Variants in PPFIA1 observed in about 807,000 individuals in gnomAD.
PPFIA1 encodes liprin-alpha-1.
In PPFIA1, 25 loss-of-function variants were observed where a neutral mutation model predicts 149.9. The observed-to-expected ratio is 0.17, with a 90% confidence interval of 0.12 to 0.23. The LOEUF (loss-of-function observed/expected upper bound fraction) is 0.23. PPFIA1 is among the 10% of genes least tolerant of loss of function. The pLI is 1.00. For synonymous variants in PPFIA1, 549 were observed against 552.8 expected (o/e 0.99, Z 0.10); for missense variants, 1,362 against 1,506.5 (o/e 0.90, Z 1.59).
At chr11:70,329,938 A>G in intron 7 of PPFIA1, 1 of 431,792 alleles carries the variant, frequency 2.3e-6, no homozygotes, top group Non-Finnish European at 4.0e-6. Context: ...AAAAAACAAA[A>G]TAAAATATTT....
rs2057559380 is a variant in PPFIA1, at chr11:70,378,125, C to T, written c.3480C>T (p.Leu1160=). Residue 1160 remains leucine (L), a synonymous_variant, in exon 26 of 28, where the codon CTC becomes CTT. Coordinates refer to ENST00000253925, the MANE Select transcript of PPFIA1 (RefSeq NM_003626.5). ...TAGCTGCTGGGTCAGCAGAGACTCTCCCTGCAAACTTCCGGGTGACTTCTT... is the reference window on the plus strand; with the variant it reads ...TAGCTGCTGGGTCAGCAGAGACTCTTCCTGCAAACTTCCGGGTGACTTCTT... ...RGLAAGSAET[L]PANFRVTSSM... is the part of the protein sequence containing the mutation. The T allele has an allele frequency of 3.1e-6, 5 of 1,614,128 alleles. No homozygotes were observed. Among genetic ancestry groups the T allele is most frequent in the Non-Finnish European group, 4.2e-6 (5 of 1,180,008 alleles).
intron 10 of PPFIA1, 61 bp downstream of exon 10, chr11:70,333,614 T>C (rs1452671999): frequency 1.1e-5 from 15 of 1,354,980 alleles, no homozygotes; most frequent in Non-Finnish European, 1.6e-5. Context: ...ATTGCTCGGC[T>C]GTGGGGAGCT....
chr11:70,330,400 T>C, intron 8 of PPFIA1, 81 bp downstream of exon 8: 4 of 1,277,562 alleles, frequency 3.1e-6, no homozygotes, highest in Non-Finnish European at 4.2e-6. Context: ...ACTTTCATGT[T>C]GGAAATCAAG....
At chr11:70,305,523 C>T (rs1003381210) in intron 2 of PPFIA1, among the ~76,000 whole-genome samples, 4 of 152,108 alleles carry the variant, frequency 2.6e-5, no homozygotes, top group Non-Finnish European at 5.9e-5. Flanking sequence ...AGAGGCACAC[C>T]ACCACGCCTG....
chr11:70,273,256 C>CAA (rs112897172), intron 2 of PPFIA1, among the ~76,000 whole-genome samples: 2,297 of 142,440 alleles, frequency 0.016, 61 homozygotes, highest in African/African-American at 0.055. Context: ...CAGCCTGTCT[C>CAA]AAAAAAAAAA....
intron 27 of PPFIA1, 22 bp downstream of exon 27, chr11:70,382,180 C>T: frequency 1.3e-6 from 2 of 1,591,908 alleles, no homozygotes; most frequent in East Asian, 2.2e-5. Flanking sequence ...GCACCACAAC[C>T]CCTAGAGATG....
intron 21 of PPFIA1, 127 bp from the exon 22 acceptor site, chr11:70,372,088 A>G (rs979492953): frequency 8.6e-6 from 7 of 809,684 alleles, no homozygotes; most frequent in East Asian, 2.9e-5. Context: ...TTATTTTGCA[A>G]TTATAAAATT....
chr11:70,300,563 C>T (rs996709537), intron 2 of PPFIA1, among the ~76,000 whole-genome samples: 31 of 146,724 alleles, frequency 2.1e-4, no homozygotes, highest in Non-Finnish European at 3.6e-4. Context: ...GAGATGGAGT[C>T]TCGCTCTGTC....
At chr11:70,299,488 G>A (rs948800946) in intron 2 of PPFIA1, among the ~76,000 whole-genome samples, 1 of 152,080 alleles carries the variant, frequency 6.6e-6, no homozygotes, top group African/African-American at 2.4e-5. Flanking sequence ...TACTGTTCTC[G>A]GACAGTTACT....
intron 21 of PPFIA1, among the ~76,000 whole-genome samples, chr11:70,369,329 A>G (rs558139003): frequency 6.6e-6 from 1 of 152,184 alleles, no homozygotes; most frequent in Non-Finnish European, 1.5e-5. Context: ...TTCTAGAATA[A>G]TAAGCCATAC....
At chr11:70,308,984 C>G (rs1297004751) in intron 2 of PPFIA1, among the ~76,000 whole-genome samples, 1 of 152,132 alleles carries the variant, frequency 6.6e-6, no homozygotes, top group African/African-American at 2.4e-5. Context: ...CTGTTGGAAT[C>G]AAGGGTTTCT....
intron 10 of PPFIA1, among the ~76,000 whole-genome samples, chr11:70,334,145 G>T (rs2054831509): frequency 6.6e-6 from 1 of 152,168 alleles, no homozygotes; most frequent in Non-Finnish European, 1.5e-5. Context: ...TGAAAGAGTT[G>T]GGTGGATGTC....
At chr11:70,275,330 A>G (rs973722424) in intron 2 of PPFIA1, among the ~76,000 whole-genome samples, 3 of 152,192 alleles carry the variant, frequency 2.0e-5, no homozygotes, top group African/African-American at 7.2e-5. Context: ...AGTTTTCTCT[A>G]TATTCTGAGT....
chr11:70,370,319 T>C (rs917231248), intron 21 of PPFIA1, among the ~76,000 whole-genome samples: 1 of 152,090 alleles, frequency 6.6e-6, no homozygotes, highest in African/African-American at 2.4e-5. Context: ...TCTGTTTCAT[T>C]GATTTCTGCT....
intron 7 of PPFIA1, among the ~76,000 whole-genome samples, chr11:70,328,057 T>TAAAAGTG: frequency 6.6e-6 from 1 of 152,262 alleles, no homozygotes; most frequent in South Asian, 2.1e-4. Flanking sequence ...GAAATTCTTT[T>TAAAAGTG]AAGACCTATC....
intron 2 of PPFIA1, 79 bp downstream of exon 2, chr11:70,272,515 T>C: frequency 7.0e-7 from 1 of 1,418,482 alleles, no homozygotes; most frequent in South Asian, 1.4e-5. Flanking sequence ...TTGTTAATGT[T>C]TCAGATGAGT....
intron 26 of PPFIA1, among the ~76,000 whole-genome samples, chr11:70,380,342 A>C (rs1254206727): frequency 3.3e-5 from 5 of 151,102 alleles, no homozygotes; most frequent in Non-Finnish European, 7.4e-5. Context: ...CCAAGGCGGG[A>C]GGATCACGAG....
chr11:70,372,413 TA>T, intron 22 of PPFIA1, 23 bp downstream of exon 22: 1 of 1,613,674 alleles, frequency 6.2e-7, no homozygotes, highest in Non-Finnish European at 8.5e-7. Flanking sequence ...AGATAGTTCT[TA>T]ATAATTGGCT....
chr11:70,332,910 A>G (rs1439933593), intron 9 of PPFIA1: 4 of 406,868 alleles, frequency 9.8e-6, no homozygotes. Flanking sequence ...TCCTTCTAGC[A>G]AGTTTGTTGC....
Sources: allele counts gnomAD v4.1 joint callset (sites outside exome capture counted in the v4.1 genomes callset), GRCh38; gene constraint gnomAD v4.1.1; transcripts MANE v1.5; gene names NCBI Gene and HGNC (gene_info 2026-07-23, HGNC 2026-07-21).